Variants in GALNTL6 observed in about 807,000 individuals in gnomAD.
The protein encoded by GALNTL6 is polypeptide N-acetylgalactosaminyltransferase-like 6.
GALNTL6 carries 46 observed loss-of-function variants against 73.7 expected under a neutral mutation model. That is an observed-to-expected ratio of 0.62 (90% CI 0.49 to 0.80). The LOEUF is 0.80. Among genes scored for constraint, GALNTL6 ranks in the 30% least tolerant of loss-of-function variants. The probability of loss-of-function intolerance (pLI) is 0.00; values close to 1 mark genes in which losing one functional copy is unlikely to be tolerated. For missense variants in GALNTL6, 604 were observed against 755.0 expected (o/e 0.80, Z 2.34); for synonymous variants, 259 against 263.7 (o/e 0.98, Z 0.17).
intron 8 of GALNTL6, among the ~76,000 whole-genome samples, chr4:172,895,975 T>C (rs1746308172): frequency 2.0e-5 from 3 of 152,242 alleles, no homozygotes; most frequent in Admixed American, 2.0e-4. Flanking sequence ...TTTTTATTAT[T>C]ATTTCAATCT....
chr4:171,841,437 A>G (rs1298874719), intron 2 of GALNTL6, among the ~76,000 whole-genome samples: 1 of 152,162 alleles, frequency 6.6e-6, no homozygotes, highest in Admixed American at 6.6e-5. Context: ...TTGTTTTACA[A>G]AAACAAATAT....
intron 2 of GALNTL6, among the ~76,000 whole-genome samples, chr4:171,864,081 T>G (rs1289734412): frequency 6.6e-6 from 1 of 152,204 alleles, no homozygotes; most frequent in African/African-American, 2.4e-5. Context: ...TTAATACCAC[T>G]TCTAAAGTAT....
At chr4:172,127,433 G>A (rs946581457) in intron 2 of GALNTL6, among the ~76,000 whole-genome samples, 4 of 152,232 alleles carry the variant, frequency 2.6e-5, no homozygotes, top group Admixed American at 1.3e-4. Flanking sequence ...TGGTGCATTC[G>A]GCCCATCACA....
chr4:172,121,644 A>T (rs781616941), intron 2 of GALNTL6, among the ~76,000 whole-genome samples: 6 of 152,094 alleles, frequency 3.9e-5, no homozygotes, highest in Non-Finnish European at 8.8e-5. Context: ...TCTTATCTAC[A>T]TTTGAGCAAT....
chr4:172,275,099 G>C (rs1189767412), intron 3 of GALNTL6, among the ~76,000 whole-genome samples: 3 of 152,146 alleles, frequency 2.0e-5, no homozygotes, highest in Admixed American at 6.6e-5. Flanking sequence ...AATATAGTTA[G>C]ACTGGCAGGC....
At chr4:172,951,819 G>A (rs1158390468) in intron 9 of GALNTL6, among the ~76,000 whole-genome samples, 3 of 152,168 alleles carry the variant, frequency 2.0e-5, no homozygotes, top group Admixed American at 2.0e-4. Context: ...ATTGGCAATT[G>A]AACCCCATGC....
chr4:172,107,673 T>G, intron 2 of GALNTL6, among the ~76,000 whole-genome samples: 2 of 103,670 alleles, frequency 1.9e-5, no homozygotes, highest in Non-Finnish European at 3.7e-5. Context: ...CCAGGGCCTG[T>G]TGTGGGGTGG....
chr4:171,883,517 T>G (rs935683328), intron 2 of GALNTL6, among the ~76,000 whole-genome samples: 14 of 152,146 alleles, frequency 9.2e-5, no homozygotes, highest in Admixed American at 6.5e-4. Flanking sequence ...AAGTTAAGTC[T>G]TCTTCTTCCA....
intron 5 of GALNTL6, among the ~76,000 whole-genome samples, chr4:172,433,487 G>T (rs1731529533): frequency 7.7e-6 from 1 of 130,256 alleles, no homozygotes; most frequent in Non-Finnish European, 1.6e-5. Context: ...GGCCTCAAAG[G>T]ACCAGAGATT....
chr4:172,694,254 T>G (rs1394453204), intron 5 of GALNTL6, among the ~76,000 whole-genome samples: 2 of 152,240 alleles, frequency 1.3e-5, no homozygotes, highest in East Asian at 3.9e-4. Context: ...CTTTAAGCCC[T>G]GCATGCATTA....
At chr4:172,972,550 C>A (rs1254190984) in intron 10 of GALNTL6, among the ~76,000 whole-genome samples, 1 of 152,192 alleles carries the variant, frequency 6.6e-6, no homozygotes, top group Non-Finnish European at 1.5e-5. Context: ...AACTTCAATC[C>A]AATCAGTGAG....
At chr4:171,870,771 A>C (rs1387003344) in intron 2 of GALNTL6, among the ~76,000 whole-genome samples, 1 of 152,160 alleles carries the variant, frequency 6.6e-6, no homozygotes, top group African/African-American at 2.4e-5. Flanking sequence ...ACTGGAGGGG[A>C]GGTCTATGCT....
intron 10 of GALNTL6, among the ~76,000 whole-genome samples, chr4:172,981,398 C>T (rs1315655784): frequency 2.0e-5 from 3 of 152,156 alleles, no homozygotes; most frequent in Non-Finnish European, 4.4e-5. Context: ...TTTTAACAGC[C>T]ATCCTAATGA....
intron 2 of GALNTL6, among the ~76,000 whole-genome samples, chr4:171,888,154 A>G (rs2110921801): frequency 6.6e-6 from 1 of 152,124 alleles, no homozygotes; most frequent in East Asian, 1.9e-4. Context: ...ATGCAATTTT[A>G]TGATTATATC....
intron 2 of GALNTL6, among the ~76,000 whole-genome samples, chr4:171,968,919 C>A (rs1390984305): frequency 6.6e-6 from 1 of 150,574 alleles, no homozygotes; most frequent in South Asian, 2.1e-4. Context: ...TCACTGCAAC[C>A]TCTGCCTCCC....
intron 10 of GALNTL6, among the ~76,000 whole-genome samples, chr4:172,968,552 A>G (rs1306825522): frequency 1.3e-5 from 2 of 152,210 alleles, no homozygotes; most frequent in Non-Finnish European, 2.9e-5. Flanking sequence ...TGTGAATTCA[A>G]TCTAAAATAT....
At chr4:172,529,056 G>T (rs1263295301) in intron 5 of GALNTL6, among the ~76,000 whole-genome samples, 1 of 142,560 alleles carries the variant, frequency 7.0e-6, no homozygotes, top group African/African-American at 2.6e-5. Flanking sequence ...GTACAAGCAG[G>T]ATCTGAACCC....
At chr4:171,932,208 C>T (rs1042453479) in intron 2 of GALNTL6, among the ~76,000 whole-genome samples, 3 of 152,152 alleles carry the variant, frequency 2.0e-5, no homozygotes, top group Admixed American at 6.5e-5. Flanking sequence ...AGCATACACT[C>T]ATACTAATAG....
chr4:173,031,277 C>A (rs145435056), intron 12 of GALNTL6, among the ~76,000 whole-genome samples: 1 of 152,074 alleles, frequency 6.6e-6, no homozygotes, highest in Non-Finnish European at 1.5e-5. Context: ...TGATGTTAGC[C>A]GCTACTATAC....
Sources: allele counts gnomAD v4.1 joint callset (sites outside exome capture counted in the v4.1 genomes callset), GRCh38; gene constraint gnomAD v4.1.1; transcripts MANE v1.5; gene names NCBI Gene and HGNC (gene_info 2026-07-23, HGNC 2026-07-21).